The following TSPAN5 variants were observed in gnomAD, a reference collection of about 807,000 sequenced individuals.
TSPAN5 encodes tetraspanin 5.
Under a neutral mutation model 37.1 loss-of-function variants are expected in TSPAN5, and 10 were observed. The ratio of observed to expected loss-of-function variants is 0.27; its 90% confidence interval spans 0.17 to 0.46. TSPAN5 has a LOEUF of 0.46. Ranked by LOEUF, TSPAN5 falls within the 20% of genes least tolerant of loss-of-function variation. The pLI is 1.00. For synonymous variants in TSPAN5, 110 were observed against 118.9 expected, an observed-to-expected ratio of 0.93 and a Z score of 0.48; for missense variants, 195 against 326.6, an observed-to-expected ratio of 0.60 and a Z score of 3.11.
intron 1 of TSPAN5, among the ~76,000 whole-genome samples, chr4:98,591,078 T>G (rs866257996): frequency 2.8e-4 from 37 of 131,070 alleles, no homozygotes; most frequent in Middle Eastern, 7.8e-3. Flanking sequence ...TGTTTTTTTG[T>G]TTTTTTTTTT....
chr4:98,565,312 T>C (rs1470431402), intron 1 of TSPAN5, among the ~76,000 whole-genome samples: 1 of 152,232 alleles, frequency 6.6e-6, no homozygotes, highest in East Asian at 1.9e-4. Context: ...ATGTTTCATA[T>C]AACTGTTGAG....
intron 1 of TSPAN5, among the ~76,000 whole-genome samples, chr4:98,549,252 A>G (rs1461940534): frequency 6.6e-6 from 1 of 151,802 alleles, no homozygotes; most frequent in Non-Finnish European, 1.5e-5. Context: ...GACTGGTGTG[A>G]GAAGGTATCT....
intron 4 of TSPAN5, among the ~76,000 whole-genome samples, chr4:98,479,292 T>C (rs977524139): frequency 1.3e-5 from 2 of 152,208 alleles, no homozygotes; most frequent in Non-Finnish European, 2.9e-5. Context: ...TTTTGTTTTA[T>C]GGAGCGCAGG....
intron 1 of TSPAN5, among the ~76,000 whole-genome samples, chr4:98,613,596 A>G (rs1198032621): frequency 6.6e-6 from 1 of 152,168 alleles, no homozygotes; most frequent in Non-Finnish European, 1.5e-5. Flanking sequence ...ACAGGGTCCC[A>G]GACTGCTTAC....
intron 1 of TSPAN5, among the ~76,000 whole-genome samples, chr4:98,590,469 G>C (rs1755597393): frequency 1.3e-5 from 2 of 152,140 alleles, no homozygotes; most frequent in African/African-American, 4.8e-5. Context: ...CCAGCACTTT[G>C]GGAGGCCGAG....
At chr4:98,528,788 A>T (rs545890853) in intron 1 of TSPAN5, among the ~76,000 whole-genome samples, 2 of 152,304 alleles carry the variant, frequency 1.3e-5, no homozygotes, top group East Asian at 3.9e-4. Flanking sequence ...TCACTACTAT[A>T]AACTATTCTG....
intron 1 of TSPAN5, among the ~76,000 whole-genome samples, chr4:98,635,104 T>A (rs1756826728): frequency 6.6e-6 from 1 of 152,212 alleles, no homozygotes; most frequent in Non-Finnish European, 1.5e-5. Context: ...CACCTGCATA[T>A]CTTTCCACAT....
chr4:98,642,868 G>A (rs1367549847), intron 1 of TSPAN5, among the ~76,000 whole-genome samples: 1 of 152,096 alleles, frequency 6.6e-6, no homozygotes, highest in Non-Finnish European at 1.5e-5. Context: ...CTGTACAGCT[G>A]TACAATCTGT....
chr4:98,519,969 C>G (rs1461764990), intron 1 of TSPAN5, among the ~76,000 whole-genome samples: 1 of 152,192 alleles, frequency 6.6e-6, no homozygotes, highest in African/African-American at 2.4e-5. Flanking sequence ...AACGCATGTG[C>G]TCAAATAACG....
intron 1 of TSPAN5, among the ~76,000 whole-genome samples, chr4:98,591,079 T>G (rs1056638188): frequency 2.0e-5 from 3 of 149,826 alleles, no homozygotes; most frequent in Non-Finnish European, 4.5e-5. Flanking sequence ...GTTTTTTTGT[T>G]TTTTTTTTTT....
chr4:98,528,119 T>A (rs1392175289), intron 1 of TSPAN5, among the ~76,000 whole-genome samples: 4 of 152,138 alleles, frequency 2.6e-5, no homozygotes, highest in Non-Finnish European at 4.4e-5. Flanking sequence ...GATAGAGAAA[T>A]GTACACTAAA....
chr4:98,521,245 A>G (rs1247977153), intron 1 of TSPAN5, among the ~76,000 whole-genome samples: 2 of 152,182 alleles, frequency 1.3e-5, no homozygotes, highest in African/African-American at 4.8e-5. Context: ...TGACATTACA[A>G]GTGAGTCCTT....
chr4:98,548,888 T>G (rs4492008), intron 1 of TSPAN5, among the ~76,000 whole-genome samples: 8,937 of 30,842 alleles, frequency 0.29, 344 homozygotes, highest in African/African-American at 0.4. Context: ...TATTCCAAGG[T>G]GTGTGTGTGT....
intron 1 of TSPAN5, among the ~76,000 whole-genome samples, chr4:98,646,536 G>A (rs1757071706): frequency 6.6e-6 from 1 of 152,050 alleles, no homozygotes; most frequent in Admixed American, 6.6e-5. Context: ...ACTAATAGGA[G>A]ACACTTTGAT....
chr4:98,482,679 A>G (rs1399238686), intron 3 of TSPAN5: 5 of 153,300 alleles, frequency 3.3e-5, no homozygotes, highest in African/African-American at 1.2e-4. Flanking sequence ...CACCTGCTAT[A>G]CAGGGTAAAA....
At chr4:98,498,536 T>C (rs1268000271) in intron 2 of TSPAN5, among the ~76,000 whole-genome samples, 3 of 152,050 alleles carry the variant, frequency 2.0e-5, no homozygotes, top group African/African-American at 7.2e-5. Flanking sequence ...ACAAAGGACA[T>C]CTTTCTTTTG....
At chr4:98,585,131 T>C (rs1322819943) in intron 1 of TSPAN5, among the ~76,000 whole-genome samples, 2 of 152,238 alleles carry the variant, frequency 1.3e-5, no homozygotes, top group African/African-American at 4.8e-5. Flanking sequence ...AAAAGTTTTT[T>C]CAAAATTCTT....
chr4:98,576,370 A>C (rs1755236335), intron 1 of TSPAN5, among the ~76,000 whole-genome samples: 1 of 152,188 alleles, frequency 6.6e-6, no homozygotes, highest in South Asian at 2.1e-4. Flanking sequence ...AATTTTTAAA[A>C]ACATAGTTGT....
At chr4:98,624,811 T>C (rs1756557939) in intron 1 of TSPAN5, among the ~76,000 whole-genome samples, 1 of 152,178 alleles carries the variant, frequency 6.6e-6, no homozygotes, top group Non-Finnish European at 1.5e-5. Flanking sequence ...AGCTTCTCTT[T>C]GATAGAGGGA....
Sources: gnomAD v4.1 joint callset for allele counts (sites outside exome capture counted in the v4.1 genomes callset) on GRCh38, gnomAD v4.1.1 for gene constraint, MANE v1.5 for transcripts, NCBI Gene and HGNC (gene_info 2026-07-23, HGNC 2026-07-21) for gene names.